Variants in CYP19A1 observed in about 807,000 individuals in gnomAD.
CYP19A1 encodes aromatase.
CYP19A1 carries 32 observed loss-of-function variants against 44.4 expected under a neutral mutation model. The ratio of observed to expected loss-of-function variants is 0.72; its 90% CI spans 0.54 to 0.97. The LOEUF (loss-of-function observed/expected upper bound fraction) is 0.97, where lower values mean the gene tolerates loss of function less well. Ranked by LOEUF, CYP19A1 falls within the 50% of genes least tolerant of loss-of-function variation. The pLI, the probability that CYP19A1 is intolerant of heterozygous loss-of-function variation, is 0.00. For missense variants in CYP19A1, 598 were observed against 637.8 expected, an observed-to-expected ratio of 0.94 and a Z score of 0.67; for synonymous variants, 212 against 215.6, an observed-to-expected ratio of 0.98 and a Z score of 0.14.
chr15:51,303,867 A>G (rs1392101835), intron 1 of CYP19A1, among the ~76,000 whole-genome samples: 2 of 152,188 alleles, frequency 1.3e-5, no homozygotes, highest in African/African-American at 4.8e-5. Context: ...TAGGAGCCTG[A>G]AAATCCCGGG....
Position 51,327,899 on chromosome 15 carries a change from A to G in CYP19A1, c.-39+10596T>C, listed in dbSNP as rs532296742. Among the ~76,000 whole-genome samples the G allele has an allele frequency of 5.3e-5, 8 of 152,330 alleles. No homozygotes were observed. The East Asian group carries it at 1.2e-3, about 22-fold the overall frequency. ...TCATAATATAAAAAAAAAATGGAATACACTCACTGGGTTATAATCAAGAAA... is the reference window on the plus strand; with the variant it reads ...TCATAATATAAAAAAAAAATGGAATGCACTCACTGGGTTATAATCAAGAAA... On this transcript the variant is annotated intron_variant, in intron 1 of 9. Coordinates refer to ENST00000396402, the MANE Select transcript of CYP19A1 (RefSeq NM_000103.4).
chr15:51,213,696 T>G (rs1201605085), intron 8 of CYP19A1, among the ~76,000 whole-genome samples: 1 of 152,180 alleles, frequency 6.6e-6, no homozygotes, highest in East Asian at 1.9e-4. Flanking sequence ...CAGGGGAACA[T>G]TAACATGTAC....
chr15:51,320,771 T>C (rs1226083529), intron 1 of CYP19A1, among the ~76,000 whole-genome samples: 1 of 152,238 alleles, frequency 6.6e-6, no homozygotes, highest in South Asian at 2.1e-4. Flanking sequence ...AATCTTAAAT[T>C]GTGTAACACA....
At position 51,331,919 on chromosome 15, in the gene CYP19A1, G is replaced by GTA. The variant is rs535549575; in HGVS notation, c.-39+6574_-39+6575dup. Among the ~76,000 whole-genome samples the GTA allele has an allele frequency of 3.5e-3, 514 of 147,234 alleles. 3 individuals carry two copies. The highest frequency in any genetic ancestry group is 9.2e-3 in the African/African-American group (372 of 40,420). ...ATGTGTTTATTTCTTGTATGTGTGT[G>GTA]TATATATATATATATACACACATAC... On this transcript the variant is annotated intron_variant, in intron 1 of 9. Transcript: ENST00000396402.
rs1476188410 is a variant in CYP19A1, at chr15:51,227,767, G to A, written c.451+12C>T. ...GACAAAAAAGATTGTAGCTAACTAA[G>A]TACCTGCTTACCTTTCATAAAGAAG... On this transcript the variant is annotated intron_variant, in intron 4 of 9. Transcript: ENST00000396402. 1 of 1,298,766 alleles carries A rather than the reference G, an allele frequency of 7.7e-7. No homozygotes were observed. The allele number at this position is 1,298,766 out of a possible 1,614,324, so 80.5% of individuals were successfully genotyped here.
At position 51,242,941 on chromosome 15, in the gene CYP19A1, A is replaced by G. The variant is rs769494314; in HGVS notation, c.-29T>C. ...GTGTTCCTTGACCTCAGAGGGGGCA[A>G]TTTAGAGTCCTGTGGAAATCAAAGG... On this transcript the variant is annotated 5_prime_UTR_variant, in exon 2 of 10. Coordinates refer to ENST00000396402, the MANE Select transcript of CYP19A1 (RefSeq NM_000103.4). 1.3e-6 allele frequency: 2 copies of G among 1,556,420 alleles called. No individual in the cohort carries two copies. The highest frequency in any genetic ancestry group is 1.7e-5 in the Admixed American group (1 of 59,950).
chr15:51,265,835 C>A, intron 1 of CYP19A1, among the ~76,000 whole-genome samples: 1 of 152,172 alleles, frequency 6.6e-6, no homozygotes, highest in Non-Finnish European at 1.5e-5. Flanking sequence ...CCAACCGTTC[C>A]CCCACAGTTT....
chr15:51,308,910 G>C (rs909270712), intron 1 of CYP19A1, among the ~76,000 whole-genome samples: 6 of 152,158 alleles, frequency 3.9e-5, no homozygotes, highest in Non-Finnish European at 8.8e-5. Flanking sequence ...ACTTGTGCTC[G>C]CTAAATGGCT....
chr15:51,247,442 T>C (rs894265415), intron 1 of CYP19A1, among the ~76,000 whole-genome samples: 13 of 150,098 alleles, frequency 8.7e-5, no homozygotes, highest in South Asian at 4.3e-4. Context: ...CTTCTCCCCC[T>C]GTCCTTACTT....
chr15:51,321,588 A>G (rs1421978040), intron 1 of CYP19A1: 1 of 152,216 alleles, frequency 6.6e-6, no homozygotes, highest in African/African-American at 2.4e-5. Flanking sequence ...TAACTTGATC[A>G]TATCTCTCTC....
At chr15:51,232,673 A>C (rs1027617895) in intron 3 of CYP19A1, among the ~76,000 whole-genome samples, 1 of 152,080 alleles carries the variant, frequency 6.6e-6, no homozygotes, top group African/African-American at 2.4e-5. Context: ...CCAATCTGTC[A>C]GCAAGTCTGT....
intron 1 of CYP19A1, among the ~76,000 whole-genome samples, chr15:51,245,631 G>C (rs2034019160): frequency 6.6e-6 from 1 of 152,092 alleles, no homozygotes; most frequent in Non-Finnish European, 1.5e-5. Flanking sequence ...ATCTGACAAA[G>C]GGCTAATATC....
At chr15:51,274,946 C>T (rs1436923249) in intron 1 of CYP19A1, among the ~76,000 whole-genome samples, 3 of 152,122 alleles carry the variant, frequency 2.0e-5, no homozygotes, top group Non-Finnish European at 4.4e-5. Context: ...GTCATCTCAC[C>T]CCCACTCTCA....
intron 2 of CYP19A1, among the ~76,000 whole-genome samples, chr15:51,238,534 G>C (rs1369711098): frequency 6.6e-6 from 1 of 152,138 alleles, no homozygotes; most frequent in African/African-American, 2.4e-5. Flanking sequence ...TGTTGCCCAG[G>C]CTGTAGTGCA....
At chr15:51,272,605 G>A (rs1396879517) in intron 1 of CYP19A1, among the ~76,000 whole-genome samples, 1 of 152,166 alleles carries the variant, frequency 6.6e-6, no homozygotes, top group East Asian at 1.9e-4. Context: ...GTATATTAAT[G>A]AGTTCGTACC....
chr15:51,243,326 CA>C (rs2141125138), intron 1 of CYP19A1, among the ~76,000 whole-genome samples: 1 of 152,280 alleles, frequency 6.6e-6, no homozygotes, highest in Non-Finnish European at 1.5e-5. Flanking sequence ...ACTTCATCAG[CA>C]GGTTTTGTTT....
chr15:51,214,348 A>G (rs2031349353), intron 8 of CYP19A1, among the ~76,000 whole-genome samples: 1 of 152,200 alleles, frequency 6.6e-6, no homozygotes, highest in Non-Finnish European at 1.5e-5. Flanking sequence ...GAGACAGAGT[A>G]GTGAGGCGGT....
chr15:51,217,018 C>A (rs1295315883), intron 6 of CYP19A1, among the ~76,000 whole-genome samples: 1 of 152,204 alleles, frequency 6.6e-6, no homozygotes, highest in Non-Finnish European at 1.5e-5. Context: ...CTTCCAAATT[C>A]TAATTGACAT....
At chr15:51,308,878 C>A (rs781539465) in intron 1 of CYP19A1, among the ~76,000 whole-genome samples, 1 of 152,166 alleles carries the variant, frequency 6.6e-6, no homozygotes, top group Non-Finnish European at 1.5e-5. Flanking sequence ...GCACAGGGTA[C>A]CCTTGCTGAC....
Sources: gnomAD v4.1 joint callset for allele counts (sites outside exome capture counted in the v4.1 genomes callset) on GRCh38, gnomAD v4.1.1 for gene constraint, MANE v1.5 for transcripts, NCBI Gene and HGNC (gene_info 2026-07-23, HGNC 2026-07-21) for gene names.